The following TAF4B variants were observed in gnomAD, a reference collection of about 807,000 sequenced individuals.
TAF4B encodes the protein TATA-box binding protein associated factor 4b.
Under a neutral mutation model 86.4 loss-of-function variants are expected in TAF4B, and 38 were observed. That is an observed-to-expected ratio of 0.44 (90% CI 0.34 to 0.58). The LOEUF is 0.58. Ranked by LOEUF, TAF4B falls within the 20% of genes least tolerant of loss-of-function variation. The pLI is 0.02. For missense variants in TAF4B, 988 were observed against 1,027.6 expected (o/e 0.96, Z 0.53); for synonymous variants, 388 against 391.2 (o/e 0.99, Z 0.10).
chr18:26,293,375 T>A (rs1206222935), intron 8 of TAF4B, 51 bp from the exon 9 acceptor site: 3 of 1,286,006 alleles, frequency 2.3e-6, no homozygotes, highest in Non-Finnish European at 3.3e-6. Flanking sequence ...TTTCCTAATG[T>A]GGTGTGATTG....
At chr18:26,302,964 T>C (rs1427126268) in intron 9 of TAF4B, among the ~76,000 whole-genome samples, 2 of 152,224 alleles carry the variant, frequency 1.3e-5, no homozygotes, top group Non-Finnish European at 2.9e-5. Context: ...CAGTTTAATT[T>C]ACTATAATTT....
intron 7 of TAF4B, among the ~76,000 whole-genome samples, chr18:26,289,606 C>T (rs1034090302): frequency 1.3e-5 from 2 of 152,156 alleles, no homozygotes; most frequent in African/African-American, 4.8e-5. Context: ...CCCACCTCTG[C>T]CTCCTGACTA....
chr18:26,227,154 C>T lies in TAF4B; in HGVS notation c.221C>T (p.Ala74Val). 1 of 1,614,118 alleles carries T rather than the reference C, an allele frequency of 6.2e-7. No homozygotes were observed. The highest frequency in any genetic ancestry group is 8.5e-7 in the Non-Finnish European group (1 of 1,180,016). ...SPVGTLVTKV[A>V]PVSAPPKVSS... ...GTGGGGACCCTGGTGACCAAAGTGG[C>T]TCCGGTCAGCGCCCCTCCTAAAGTC... is the stretch of plus-strand genomic sequence containing the variant. The change falls in exon 1 of 15, where the codon GCT becomes GTT. Residue 74 changes from alanine (A) to valine (V), a missense_variant. Around this residue, in one of 3 missense-constraint regions of TAF4B, gnomAD observed 747 missense variants for 737.9 expected, o/e 1.01. Coordinates refer to ENST00000269142, the MANE Select transcript of TAF4B (RefSeq NM_005640.3).
At chr18:26,258,269 TG>T (rs2056115068) in intron 1 of TAF4B, among the ~76,000 whole-genome samples, 1 of 149,892 alleles carries the variant, frequency 6.7e-6, no homozygotes, top group South Asian at 2.1e-4. Flanking sequence ...AAAAAAAAGC[TG>T]AGGGAAGAAG....
intron 14 of TAF4B, among the ~76,000 whole-genome samples, chr18:26,377,381 T>C (rs1408662438): frequency 6.6e-6 from 1 of 152,216 alleles, no homozygotes; most frequent in African/African-American, 2.4e-5. Context: ...AATTCATCTT[T>C]TGCTTCTTAG....
chr18:26,247,420 C>G (rs775434140), intron 1 of TAF4B, among the ~76,000 whole-genome samples: 1 of 152,130 alleles, frequency 6.6e-6, no homozygotes, highest in Non-Finnish European at 1.5e-5. Context: ...AATTCTCAGC[C>G]GTCTGAAAGT....
intron 6 of TAF4B, among the ~76,000 whole-genome samples, chr18:26,284,008 C>T (rs115140688): frequency 2.0e-5 from 3 of 151,368 alleles, no homozygotes; most frequent in Admixed American, 6.6e-5. Flanking sequence ...GAGCCAAGAT[C>T]GTGCATTGCA....
chr18:26,235,569 G>T (rs1488872946), intron 1 of TAF4B, among the ~76,000 whole-genome samples: 1 of 152,200 alleles, frequency 6.6e-6, no homozygotes, highest in Non-Finnish European at 1.5e-5. Flanking sequence ...GGACCAGAGT[G>T]CCTGGACTTG....
chr18:26,312,306 TTAGTCTGCCTCCTTGAC>T (rs1373312211), intron 9 of TAF4B, among the ~76,000 whole-genome samples: 1 of 152,218 alleles, frequency 6.6e-6, no homozygotes, highest in Non-Finnish European at 1.5e-5. Context: ...CTGCTTTCCT[TTAGTCTGCCTCCTTGAC>T]TAAAGAAGTT....
intron 12 of TAF4B, among the ~76,000 whole-genome samples, chr18:26,330,715 A>G (rs2057043219): frequency 6.6e-6 from 1 of 151,972 alleles, no homozygotes; most frequent in Non-Finnish European, 1.5e-5. Flanking sequence ...GATACCTGCA[A>G]CTCCAATCCA....
chr18:26,275,181 A>T, intron 5 of TAF4B, 128 bp downstream of exon 5: 1 of 1,087,406 alleles, frequency 9.2e-7, no homozygotes. Context: ...TTTGAGACAG[A>T]GTCTCGCTCT....
At position 26,250,243 on chromosome 18, in the gene TAF4B, A is replaced by G. The variant is rs1428228424; in HGVS notation, c.344-14927A>G. 2.6e-5 allele frequency among the ~76,000 whole-genome samples: 4 copies of G among 152,004 alleles called. No homozygotes were observed. The East Asian group carries it at 5.8e-4, about 22-fold the overall frequency. ...CTGGGCGCGGTGGCTCACGCCTCCT[A>G]TCCCAGCACTTTGGGAGGCCGAGGC... is the stretch of plus-strand genomic sequence containing the variant. On this transcript the variant is annotated intron_variant, in intron 1 of 14. Transcript: ENST00000269142.
chr18:26,376,392 A>G (rs1033473725), intron 14 of TAF4B, among the ~76,000 whole-genome samples: 2 of 152,094 alleles, frequency 1.3e-5, no homozygotes, highest in African/African-American at 4.8e-5. Flanking sequence ...GTCTTGTACC[A>G]CTAGTTAAAT....
chr18:26,351,015 A>G (rs1372890354), intron 13 of TAF4B, among the ~76,000 whole-genome samples: 1 of 152,234 alleles, frequency 6.6e-6, no homozygotes, highest in Non-Finnish European at 1.5e-5. Context: ...CAGCAATCCC[A>G]GTACTGAGAA....
chr18:26,297,213 T>C (rs1172336737), intron 9 of TAF4B, among the ~76,000 whole-genome samples: 3 of 150,832 alleles, frequency 2.0e-5, no homozygotes, highest in Non-Finnish European at 4.4e-5. Context: ...GTTCAAAGCA[T>C]ACACACAGAC....
At chr18:26,374,434 A>T (rs2057428990) in intron 14 of TAF4B, among the ~76,000 whole-genome samples, 1 of 152,144 alleles carries the variant, frequency 6.6e-6, no homozygotes, top group Non-Finnish European at 1.5e-5. Context: ...ATTATTCCAT[A>T]ATGTTGTACC....
intron 1 of TAF4B, among the ~76,000 whole-genome samples, chr18:26,250,299 T>G (rs2055986619): frequency 6.6e-6 from 1 of 152,026 alleles, no homozygotes; most frequent in Non-Finnish European, 1.5e-5. Context: ...AGATCGAGAC[T>G]GTCCTGGCTA....
intron 9 of TAF4B, among the ~76,000 whole-genome samples, chr18:26,299,013 C>CA (rs1427377619): frequency 2.6e-5 from 4 of 152,010 alleles, no homozygotes; most frequent in Non-Finnish European, 4.4e-5. Context: ...AGGCATGTGT[C>CA]ACCATGCATG....
At chr18:26,282,591 A>G (rs1791767) in intron 6 of TAF4B, among the ~76,000 whole-genome samples, 73,322 of 152,096 alleles carry the variant, frequency 0.48, 20,597 homozygotes, top group East Asian at 0.82. Flanking sequence ...AATGTTGATG[A>G]CTTTTTGCTG....
Sources: gnomAD v4.1 joint callset for allele counts (sites outside exome capture counted in the v4.1 genomes callset) on GRCh38, gnomAD v4.1.1 for gene constraint, gnomAD v4.1.1 regional missense constraint, MANE v1.5 for transcripts, NCBI Gene and HGNC (gene_info 2026-07-23, HGNC 2026-07-21) for gene names.